The following NIM1K variants were observed in gnomAD, a reference collection of about 807,000 sequenced individuals.
NIM1K encodes NIM1 serine/threonine protein kinase, also known as serine/threonine-protein kinase NIM1.
Under a neutral mutation model 37.1 loss-of-function variants are expected in NIM1K, and 35 were observed. The ratio of observed to expected loss-of-function variants is 0.94; its 90% CI spans 0.72 to 1.25. The LOEUF is 1.25. Among genes scored for constraint, NIM1K ranks in the 50% most tolerant of loss-of-function variants. NIM1K has a pLI of 0.00. For synonymous variants in NIM1K, 234 were observed against 206.6 expected, an observed-to-expected ratio of 1.13 and a Z score of -1.14; for missense variants, 564 against 548.0, an observed-to-expected ratio of 1.03 and a Z score of -0.29.
At chr5:43,267,514 T>G (rs189234205) in intron 2 of NIM1K, among the ~76,000 whole-genome samples, 114 of 152,324 alleles carry the variant, frequency 7.5e-4, no homozygotes, top group African/African-American at 2.6e-3. Flanking sequence ...TTTGTTCCTG[T>G]TTCTTTAGCT....
chr5:43,260,992 TC>T (rs1753019867), intron 2 of NIM1K, among the ~76,000 whole-genome samples: 1 of 152,260 alleles, frequency 6.6e-6, no homozygotes, highest in Admixed American at 6.5e-5. Flanking sequence ...TGCCACATTT[TC>T]TTAATCCAGT....
chr5:43,198,199 CTTTCTT>C (rs1751955197), intron 1 of NIM1K, among the ~76,000 whole-genome samples: 3 of 51,342 alleles, frequency 5.8e-5, no homozygotes, highest in East Asian at 7.0e-4. Flanking sequence ...TTCTTTCTTT[CTTTCTT>C]TCTCTTTCTT....
At chr5:43,203,100 C>T (rs981176219) in intron 1 of NIM1K, among the ~76,000 whole-genome samples, 2 of 152,072 alleles carry the variant, frequency 1.3e-5, no homozygotes, top group African/African-American at 4.8e-5. Context: ...ATCCCCCCAG[C>T]CCCACCGCCC....
At chr5:43,255,894 TG>T (rs1453131600) in intron 2 of NIM1K, among the ~76,000 whole-genome samples, 1 of 151,310 alleles carries the variant, frequency 6.6e-6, no homozygotes, top group Non-Finnish European at 1.5e-5. Context: ...TGGCTATACA[TG>T]GGGGAACTCC....
At chr5:43,267,937 G>C (rs1276783958) in intron 2 of NIM1K, among the ~76,000 whole-genome samples, 1 of 152,144 alleles carries the variant, frequency 6.6e-6, no homozygotes, top group Non-Finnish European at 1.5e-5. Context: ...TTTTTGGGTA[G>C]GATGTTCTGT....
Position 43,199,458 on chromosome 5 carries a change from G to T in NIM1K, c.-695+7047G>T, listed in dbSNP as rs181618084. Among the ~76,000 whole-genome samples, 42 of 152,022 alleles carry T rather than the reference G, an allele frequency of 2.8e-4. No individual in the cohort carries two copies. The South Asian group carries it at 8.5e-3, about 31-fold the overall frequency. On this transcript the variant is annotated intron_variant, in intron 1 of 3. Coordinates refer to ENST00000326035, the MANE Select transcript of NIM1K (RefSeq NM_153361.4). ...GAGCTTTGTTTTAGCTGCCATCAGA[G>T]ACCTAGTTTATTCCTATCTTTCTGT...
intron 1 of NIM1K, among the ~76,000 whole-genome samples, chr5:43,198,063 A>G (rs1437740580): frequency 6.6e-6 from 1 of 151,982 alleles, no homozygotes; most frequent in Non-Finnish European, 1.5e-5. Context: ...GGAAAACATA[A>G]TCTATTTCTT....
chr5:43,222,296 A>T (rs550806125), intron 1 of NIM1K, among the ~76,000 whole-genome samples: 2 of 152,356 alleles, frequency 1.3e-5, no homozygotes, highest in African/African-American at 4.8e-5. Context: ...AATTTATAAT[A>T]ATCAAATTGG....
At chr5:43,243,787 C>T (rs2112260237) in intron 1 of NIM1K, among the ~76,000 whole-genome samples, 1 of 152,272 alleles carries the variant, frequency 6.6e-6, no homozygotes, top group South Asian at 2.1e-4. Flanking sequence ...GCCATCCTCC[C>T]ACCTCAGTCT....
intron 2 of NIM1K, among the ~76,000 whole-genome samples, chr5:43,273,822 T>C (rs1753295520): frequency 1.3e-5 from 2 of 152,178 alleles, no homozygotes; most frequent in African/African-American, 4.8e-5. Flanking sequence ...TGCCTTTCCA[T>C]TCTCTGTCTG....
chr5:43,267,348 C>G (rs1301074489), intron 2 of NIM1K, among the ~76,000 whole-genome samples: 1 of 152,104 alleles, frequency 6.6e-6, no homozygotes, highest in African/African-American at 2.4e-5. Flanking sequence ...AAACTTCTCT[C>G]CTCTTAGTTA....
At chr5:43,238,789 G>GT (rs1377555961) in intron 1 of NIM1K, among the ~76,000 whole-genome samples, 1 of 151,666 alleles carries the variant, frequency 6.6e-6, no homozygotes, top group African/African-American at 2.4e-5. Flanking sequence ...CAACCTCGAG[G>GT]TTTTTATGTT....
chr5:43,232,284 G>T (rs977005279), intron 1 of NIM1K: 8 of 1,149,450 alleles, frequency 7.0e-6, no homozygotes, highest in Admixed American at 3.5e-5. Context: ...TTGGCAGGCT[G>T]AAAGCAAGCA....
chr5:43,227,308 C>T (rs188168031), intron 1 of NIM1K, among the ~76,000 whole-genome samples: 274 of 151,920 alleles, frequency 1.8e-3, no homozygotes, highest in South Asian at 9.4e-3. Flanking sequence ...TGCGGTGAGC[C>T]GAGATTGCGC....
At chr5:43,223,685 C>G (rs992814738) in intron 1 of NIM1K, among the ~76,000 whole-genome samples, 1 of 152,142 alleles carries the variant, frequency 6.6e-6, no homozygotes, top group African/African-American at 2.4e-5. Context: ...GAAAAATCAG[C>G]TTCACTCCAG....
intron 1 of NIM1K, among the ~76,000 whole-genome samples, chr5:43,204,202 C>A (rs1752076114): frequency 6.7e-6 from 1 of 148,264 alleles, no homozygotes; most frequent in South Asian, 2.2e-4. Flanking sequence ...ATTCTCCTGC[C>A]TCAGCCTCCT....
chr5:43,236,603 C>T (rs904124760), intron 1 of NIM1K, among the ~76,000 whole-genome samples: 1 of 152,250 alleles, frequency 6.6e-6, no homozygotes, highest in Non-Finnish European at 1.5e-5. Context: ...GCTGCCTCAC[C>T]ACGCCAGGCA....
chr5:43,195,591 T>G (rs1182508698), intron 1 of NIM1K, among the ~76,000 whole-genome samples: 1 of 148,756 alleles, frequency 6.7e-6, no homozygotes, highest in East Asian at 2.0e-4. Context: ...GCCTGGGAGG[T>G]TCAAGGCTGC....
At chr5:43,213,644 C>A (rs150628858) in intron 1 of NIM1K, among the ~76,000 whole-genome samples, 21,875 of 152,200 alleles carry the variant, frequency 0.14, 1,891 homozygotes, top group Middle Eastern at 0.23. Context: ...CAGGTGCCTG[C>A]CACCACGCCC....
Sources: gnomAD v4.1 joint callset for allele counts (sites outside exome capture counted in the v4.1 genomes callset) on GRCh38, gnomAD v4.1.1 for gene constraint, MANE v1.5 for transcripts, NCBI Gene and HGNC (gene_info 2026-07-23, HGNC 2026-07-21) for gene names.